PCDH17: variants seen among roughly 807,000 people sequenced by gnomAD.
PCDH17 encodes the protein protocadherin 17, also known as protocadherin-17.
Under a neutral mutation model 67.7 loss-of-function variants are expected in PCDH17, and 21 were observed. That is an observed-to-expected ratio of 0.31 (90% CI 0.22 to 0.45). PCDH17 has a LOEUF of 0.45. PCDH17 is among the 20% of genes least tolerant of loss of function. The pLI is 1.00. For missense variants in PCDH17, 1,471 were observed against 1,564.8 expected, an observed-to-expected ratio of 0.94 and a Z score of 1.01; for synonymous variants, 701 against 656.7, an observed-to-expected ratio of 1.07 and a Z score of -1.03.
intron 3 of PCDH17, among the ~76,000 whole-genome samples, chr13:57,692,306 G>A (rs1955566641): frequency 1.3e-5 from 2 of 151,168 alleles, no homozygotes; most frequent in Non-Finnish European, 1.5e-5. Flanking sequence ...TGAATGTTAC[G>A]TTAACTAACT....
At chr13:57,697,256 T>A (rs1444165097) in intron 3 of PCDH17, among the ~76,000 whole-genome samples, 2 of 151,690 alleles carry the variant, frequency 1.3e-5, no homozygotes, top group Non-Finnish European at 3.0e-5. Flanking sequence ...ATTCATAAAA[T>A]AAATGGTTTT....
chr13:57,724,465 C>G, intron 3 of PCDH17, 147 bp from the exon 4 acceptor site: 1 of 640,054 alleles, frequency 1.6e-6, no homozygotes, highest in Non-Finnish European at 2.7e-6. Context: ...TGCAACCATC[C>G]TGAAATGTTT....
At chr13:57,636,574 A>G (rs960945397) in intron 1 of PCDH17, among the ~76,000 whole-genome samples, 13 of 152,108 alleles carry the variant, frequency 8.5e-5, no homozygotes, top group African/African-American at 2.9e-4. Context: ...TCTCACTTCT[A>G]ATAGTGTTTA....
At chr13:57,702,865 G>C (rs1292749266) in intron 3 of PCDH17, among the ~76,000 whole-genome samples, 1 of 152,138 alleles carries the variant, frequency 6.6e-6, no homozygotes, top group Non-Finnish European at 1.5e-5. Flanking sequence ...AGAAAAATTA[G>C]CTATTAGAAG....
intron 3 of PCDH17, among the ~76,000 whole-genome samples, chr13:57,695,343 C>T (rs1287449918): frequency 6.6e-6 from 1 of 150,662 alleles, no homozygotes; most frequent in Non-Finnish European, 1.5e-5. Flanking sequence ...AGCATAAACC[C>T]TTGGTTTTGA....
At position 57,633,572 on chromosome 13, in the gene PCDH17, C is replaced by T. The variant is rs776833260; in HGVS notation, c.1026C>T (p.Ile342=). 2 of 1,613,378 alleles carry T rather than the reference C, an allele frequency of 1.2e-6. No individual in the cohort carries two copies. Among genetic ancestry groups the T allele is most frequent in the East Asian group, 4.5e-5 (2 of 44,854 alleles). ...PAHCKVTVKL[I]DRNDNAPSIG... ...ACTGCAAAGTCACGGTCAAGCTCAT[C>T]GACCGCAACGACAATGCGCCGTCCA... is the stretch of plus-strand genomic sequence containing the variant. Residue 342 remains isoleucine, a synonymous_variant, in exon 1 of 4, where the codon ATC becomes ATT. Coordinates refer to ENST00000377918, the MANE Select transcript of PCDH17 (RefSeq NM_001040429.3). This position sits in a 1 kb window ranked among gnomAD's most constrained non-coding sequence, Gnocchi z 6.2.
chr13:57,671,005 A>G lies in PCDH17; in HGVS notation c.2797+4172A>G, dbSNP rs904385434. On this transcript the variant is annotated intron_variant, in intron 3 of 3. Transcript: ENST00000377918. ...TGTTAATAAACCCGTTAGTAGAAAGAGGTTATTTTTTCTTTTAGTGTGATG... is the reference window on the plus strand; with the variant it reads ...TGTTAATAAACCCGTTAGTAGAAAGGGGTTATTTTTTCTTTTAGTGTGATG... Among the ~76,000 whole-genome samples the G allele has an allele frequency of 5.9e-5, 9 of 152,064 alleles. 1 individual carries two copies. The highest frequency in any genetic ancestry group is 2.2e-4 in the African/African-American group (9 of 41,542).
rs184982445 is a variant in PCDH17 at position 57,689,339 on chromosome 13, C to T, written c.2797+22506C>T. On this transcript the variant is annotated intron_variant, in intron 3 of 3. Transcript: ENST00000377918. ...TTCCTACTTGTCTGGCATATTGAAT[C>T]GAAAGCACAAAGTCCAGCATGGCTG... Among the ~76,000 whole-genome samples the T allele has an allele frequency of 3.3e-5, 5 of 151,942 alleles. No individual in the cohort carries two copies. The East Asian group carries it at 9.7e-4, about 30-fold the overall frequency.
At chr13:57,668,614 A>G (rs1213739609) in intron 3 of PCDH17, among the ~76,000 whole-genome samples, 1 of 152,104 alleles carries the variant, frequency 6.6e-6, no homozygotes, top group African/African-American at 2.4e-5. Flanking sequence ...CAATTTTGAT[A>G]TTGAAAATTG....
intron 3 of PCDH17, among the ~76,000 whole-genome samples, chr13:57,719,332 A>G (rs1342500554): frequency 3.9e-5 from 6 of 152,004 alleles, no homozygotes; most frequent in Non-Finnish European, 7.4e-5. Flanking sequence ...AAGCACAGAT[A>G]ACTTTTTGAA....
intron 3 of PCDH17, among the ~76,000 whole-genome samples, chr13:57,684,180 T>C (rs911616944): frequency 5.3e-5 from 8 of 151,904 alleles, no homozygotes; most frequent in African/African-American, 1.9e-4. Flanking sequence ...CCTTCTGTAA[T>C]GTACTGAGAT....
At chr13:57,693,130 C>A (rs1288247539) in intron 3 of PCDH17, among the ~76,000 whole-genome samples, 1 of 150,166 alleles carries the variant, frequency 6.7e-6, no homozygotes, top group South Asian at 2.1e-4. Flanking sequence ...TTTCCACTTT[C>A]ATTTATTTCC....
intron 1 of PCDH17, among the ~76,000 whole-genome samples, chr13:57,659,432 T>G (rs1955156445): frequency 6.6e-6 from 1 of 152,100 alleles, no homozygotes; most frequent in Non-Finnish European, 1.5e-5. Flanking sequence ...AAATTTACCA[T>G]ACACTCATCC....
intron 3 of PCDH17, among the ~76,000 whole-genome samples, chr13:57,705,125 A>G (rs532211299): frequency 6.6e-6 from 1 of 152,118 alleles, no homozygotes; most frequent in African/African-American, 2.4e-5. Flanking sequence ...TAATATAGAT[A>G]TAAAACCCAA....
upstream of PCDH17, among the ~76,000 whole-genome samples, chr13:57,630,174 G>A (rs1348173209): frequency 6.6e-6 from 1 of 152,198 alleles, no homozygotes; most frequent in East Asian, 1.9e-4. Flanking sequence ...GCGGCGGAAG[G>A]CGGCTGGGGA....
At position 57,681,021 on chromosome 13, in the gene PCDH17, T is replaced by C. The variant is rs1417095592; in HGVS notation, c.2797+14188T>C. Among the ~76,000 whole-genome samples, 8 of 151,798 alleles carry C rather than the reference T, an allele frequency of 5.3e-5. No individual in the cohort carries two copies. The East Asian group carries it at 1.6e-3, about 29-fold the overall frequency. ...AGAAAAAATTATTAAACATCTACTA[T>C]GTGTCAAGCATTGTCGCAAGCAAGT... On this transcript the variant is annotated intron_variant, in intron 3 of 3. Transcript: ENST00000377918.
At chr13:57,688,172 T>A (rs918511270) in intron 3 of PCDH17, among the ~76,000 whole-genome samples, 4 of 151,910 alleles carry the variant, frequency 2.6e-5, no homozygotes, top group African/African-American at 9.7e-5. Context: ...TGGGGCATGG[T>A]GGTGCACACC....
intron 1 of PCDH17, among the ~76,000 whole-genome samples, chr13:57,662,603 TAGCATGACTCAGTTTC>T (rs1955197389): frequency 6.6e-6 from 1 of 152,182 alleles, no homozygotes; most frequent in South Asian, 2.1e-4. Context: ...TAGTCTCAGC[TAGCATGACTCAGTTTC>T]ACTACATGCT....
chr13:57,687,973 G>A (rs1955523509), intron 3 of PCDH17, among the ~76,000 whole-genome samples: 1 of 152,004 alleles, frequency 6.6e-6, no homozygotes, highest in Admixed American at 6.6e-5. Context: ...TAGATAAACT[G>A]TGTAGAGAGA....
Sources: allele counts gnomAD v4.1 joint callset (sites outside exome capture counted in the v4.1 genomes callset), GRCh38; gene constraint gnomAD v4.1.1; non-coding constraint Gnocchi (gnomAD v3.1); transcripts MANE v1.5; gene names NCBI Gene and HGNC (gene_info 2026-07-23, HGNC 2026-07-21).